PTPRD: variants seen among roughly 807,000 people sequenced by gnomAD.
PTPRD encodes protein tyrosine phosphatase receptor type D.
In PTPRD, 34 loss-of-function variants were observed where a neutral mutation model predicts 214.5. The ratio of observed to expected loss-of-function variants is 0.16; its 90% CI spans 0.12 to 0.21. The LOEUF (loss-of-function observed/expected upper bound fraction) is 0.21. PTPRD is among the 10% of genes least tolerant of loss of function. The pLI is 1.00. For synonymous variants in PTPRD, 1,128 were observed against 845.7 expected (o/e 1.33, Z -5.79); for missense variants, 2,545 against 2,398.7 (o/e 1.06, Z -1.27).
intron 11 of PTPRD, among the ~76,000 whole-genome samples, chr9:8,942,963 C>T (rs2099042600): frequency 1.3e-5 from 2 of 152,156 alleles, no homozygotes; most frequent in South Asian, 2.1e-4. Context: ...AGAAAATCAA[C>T]ATGCAAAAAT....
intron 7 of PTPRD, among the ~76,000 whole-genome samples, chr9:9,703,752 A>G (rs2154416078): frequency 6.6e-6 from 1 of 152,320 alleles, no homozygotes; most frequent in African/African-American, 2.4e-5. Context: ...TGCTCTTAGA[A>G]ATCAGGGAGA....
intron 36 of PTPRD, among the ~76,000 whole-genome samples, chr9:8,397,781 T>G (rs1173087682): frequency 6.6e-6 from 1 of 152,184 alleles, no homozygotes; most frequent in African/African-American, 2.4e-5. Context: ...AGGTGGTGAT[T>G]CCATGTGAGC....
intron 4 of PTPRD, among the ~76,000 whole-genome samples, chr9:9,949,919 T>G (rs189780298): frequency 9.6e-4 from 146 of 152,286 alleles, no homozygotes; most frequent in Non-Finnish European, 8.2e-4. Flanking sequence ...ATCAAAAAAT[T>G]TGTTTGTAGG....
At chr9:10,069,987 T>G (rs2097967284) in intron 3 of PTPRD, among the ~76,000 whole-genome samples, 1 of 152,052 alleles carries the variant, frequency 6.6e-6, no homozygotes, top group African/African-American at 2.4e-5. Context: ...CACTGATTAT[T>G]GTTAAAACAC....
intron 11 of PTPRD, among the ~76,000 whole-genome samples, chr9:8,922,706 G>A (rs1191966635): frequency 2.0e-5 from 3 of 151,998 alleles, no homozygotes; most frequent in Non-Finnish European, 2.9e-5. Flanking sequence ...GAGTGCAGTG[G>A]CGCGATCTCA....
chr9:10,287,708 T>C (rs2095406095), intron 3 of PTPRD, among the ~76,000 whole-genome samples: 1 of 152,142 alleles, frequency 6.6e-6, no homozygotes. Context: ...CTTCAGGTTC[T>C]GCCATATTGC....
At chr9:8,540,915 T>C (rs2078245885) in intron 14 of PTPRD, among the ~76,000 whole-genome samples, 1 of 152,188 alleles carries the variant, frequency 6.6e-6, no homozygotes, top group Non-Finnish European at 1.5e-5. Flanking sequence ...AAAGGCAAAC[T>C]GTGGTAGGTA....
chr9:9,236,637 G>C (rs1479216299), intron 9 of PTPRD, among the ~76,000 whole-genome samples: 1 of 151,084 alleles, frequency 6.6e-6, no homozygotes, highest in Non-Finnish European at 1.5e-5. Context: ...TTTGAATTAT[G>C]ACTTTTGGTT....
intron 11 of PTPRD, among the ~76,000 whole-genome samples, chr9:8,833,125 C>T (rs993301426): frequency 3.3e-5 from 5 of 152,094 alleles, no homozygotes; most frequent in African/African-American, 1.2e-4. Context: ...ACAGTGCTTA[C>T]AGAGAGAAAG....
intron 39 of PTPRD, among the ~76,000 whole-genome samples, chr9:8,356,267 C>G (rs1027140422): frequency 6.6e-6 from 1 of 151,940 alleles, no homozygotes; most frequent in African/African-American, 2.4e-5. Context: ...GTAATAAGAC[C>G]TAAAAGTATT....
At chr9:9,333,506 A>G (rs1386724191) in intron 9 of PTPRD, among the ~76,000 whole-genome samples, 11 of 39,388 alleles carry the variant, frequency 2.8e-4, no homozygotes, top group African/African-American at 1.5e-3. Flanking sequence ...ATAGTATATT[A>G]TATATATATA....
intron 7 of PTPRD, among the ~76,000 whole-genome samples, chr9:9,650,672 C>A (rs757739702): frequency 6.6e-6 from 1 of 151,906 alleles, no homozygotes; most frequent in African/African-American, 2.4e-5. Flanking sequence ...AAATAACTAA[C>A]GAGTACTAGG....
chr9:9,184,722 A>T (rs1353818368), intron 9 of PTPRD, among the ~76,000 whole-genome samples: 2 of 152,058 alleles, frequency 1.3e-5, no homozygotes, highest in East Asian at 3.9e-4. Context: ...TACAGCAACT[A>T]GTTTTGTCTT....
chr9:9,089,550 G>A (rs758595854), intron 10 of PTPRD, among the ~76,000 whole-genome samples: 1 of 152,144 alleles, frequency 6.6e-6, no homozygotes, highest in African/African-American at 2.4e-5. Context: ...CTCATAGTAT[G>A]CAAGGGCCTA....
chr9:8,900,652 G>A (rs1383215326), intron 11 of PTPRD, among the ~76,000 whole-genome samples: 2 of 152,150 alleles, frequency 1.3e-5, no homozygotes, highest in Non-Finnish European at 2.9e-5. Flanking sequence ...CTGTAGTAAT[G>A]ATAGTATAGC....
intron 5 of PTPRD, among the ~76,000 whole-genome samples, chr9:9,914,430 T>C (rs910931507): frequency 2.0e-5 from 3 of 152,176 alleles, no homozygotes; most frequent in Non-Finnish European, 4.4e-5. Context: ...TGAGTAGCCG[T>C]GTAGCCACGT....
intron 7 of PTPRD, among the ~76,000 whole-genome samples, chr9:9,660,268 C>T (rs764164351): frequency 4.8e-4 from 73 of 151,924 alleles, no homozygotes; most frequent in Admixed American, 7.2e-4. Context: ...GAGTGGAGGA[C>T]TGACATGGCT....
At position 9,038,560 on chromosome 9, in the gene PTPRD, T is replaced by G. The variant is rs324520; in HGVS notation, c.-142-19825A>C. Reference sequence around the variant, plus strand: ...TCAATGTTTGTGATAACGGTTTTTTTTTTTTTTTTTTTGAGATGGAGTTTC... The same window carrying G: ...TCAATGTTTGTGATAACGGTTTTTTGTTTTTTTTTTTTGAGATGGAGTTTC... On this transcript the variant is annotated intron_variant, in intron 10 of 45. Transcript: ENST00000381196. Among the ~76,000 whole-genome samples, 458 of 101,486 alleles carry G rather than the reference T, an allele frequency of 4.5e-3. 2 individuals are homozygous for G. Among genetic ancestry groups the G allele is most frequent in the African/African-American group, 0.01 (347 of 33,454 alleles). 66.6% of individuals were successfully genotyped at this position (101,486 alleles called of 152,430 possible). A position where few individuals can be genotyped will look rare whatever the true frequency, so the allele number is the denominator to read the frequency against.
intron 8 of PTPRD, among the ~76,000 whole-genome samples, chr9:9,503,427 C>A (rs1221758619): frequency 1.3e-5 from 2 of 151,650 alleles, no homozygotes; most frequent in Non-Finnish European, 3.0e-5. Flanking sequence ...TCACACTACA[C>A]ATGCCACACA....
Sources: gnomAD v4.1 joint callset for allele counts (sites outside exome capture counted in the v4.1 genomes callset) on GRCh38, gnomAD v4.1.1 for gene constraint, MANE v1.5 for transcripts, NCBI Gene and HGNC (gene_info 2026-07-23, HGNC 2026-07-21) for gene names.